The following PARPBP variants were observed in gnomAD, a reference collection of about 807,000 sequenced individuals.
PARPBP encodes PCNA-interacting partner.
PARPBP carries 52 observed loss-of-function variants against 50.0 expected under a neutral mutation model. The observed-to-expected ratio is 1.04, with a 90% CI of 0.83 to 1.31. The LOEUF is 1.31. PARPBP is among the 50% of genes most tolerant of loss of function. The pLI is 0.00. For synonymous variants in PARPBP, 244 were observed against 232.1 expected, an observed-to-expected ratio of 1.05 and a Z score of -0.47; for missense variants, 697 against 672.0, an observed-to-expected ratio of 1.04 and a Z score of -0.41.
chr12:102,186,084 T>G, intron 9 of PARPBP, among the ~76,000 whole-genome samples: 1 of 152,280 alleles, frequency 6.6e-6, no homozygotes, highest in East Asian at 1.9e-4. Flanking sequence ...TTTTTCTAGG[T>G]TTTCCAATTT....
chr12:102,195,546 G>A, intron 10 of PARPBP, 99 bp downstream of exon 10: 1 of 862,612 alleles, frequency 1.2e-6, no homozygotes, highest in Non-Finnish European at 1.8e-6. Context: ...AAAGTACTAT[G>A]AAATGTAAAG....
chr12:102,156,289 C>T (rs1338462972), intron 4 of PARPBP, among the ~76,000 whole-genome samples: 1 of 140,572 alleles, frequency 7.1e-6, no homozygotes, highest in Non-Finnish European at 1.5e-5. Context: ...CGTGTTCATG[C>T]CATTCTCCTT....
At chr12:102,121,563 T>C (rs1300119996) in intron 1 of PARPBP, among the ~76,000 whole-genome samples, 4 of 144,506 alleles carry the variant, frequency 2.8e-5, no homozygotes, top group Non-Finnish European at 4.5e-5. Flanking sequence ...TTTTTTTTTT[T>C]TTTTTTTTAA....
chr12:102,159,708 T>A (rs887961418), intron 4 of PARPBP, among the ~76,000 whole-genome samples: 1 of 152,038 alleles, frequency 6.6e-6, no homozygotes, highest in Non-Finnish European at 1.5e-5. Context: ...AAAAAAAATC[T>A]ACTAAGTATC....
At chr12:102,184,682 A>T (rs553910675) in intron 9 of PARPBP, among the ~76,000 whole-genome samples, 2 of 152,316 alleles carry the variant, frequency 1.3e-5, no homozygotes, top group Non-Finnish European at 2.9e-5. Context: ...TCTACTAATA[A>T]ACGGCAATCA....
intron 2 of PARPBP, among the ~76,000 whole-genome samples, chr12:102,126,650 A>C (rs1882039785): frequency 6.6e-6 from 1 of 152,056 alleles, no homozygotes; most frequent in Admixed American, 6.6e-5. Context: ...AGCTGGGCGT[A>C]GTGGTAGGCG....
intron 2 of PARPBP, among the ~76,000 whole-genome samples, chr12:102,132,718 G>A (rs934568628): frequency 6.6e-6 from 1 of 152,106 alleles, no homozygotes; most frequent in South Asian, 2.1e-4. Context: ...GATAGGAATA[G>A]CATTGAATCT....
intron 2 of PARPBP, among the ~76,000 whole-genome samples, chr12:102,142,975 G>A (rs572703255): frequency 5.9e-5 from 9 of 152,336 alleles, no homozygotes; most frequent in Middle Eastern, 6.8e-3. Context: ...TCCGTTCTCA[G>A]ATCTCAAACT....
chr12:102,161,943 C>G (rs1887648342), intron 4 of PARPBP, among the ~76,000 whole-genome samples: 1 of 152,090 alleles, frequency 6.6e-6, no homozygotes, highest in African/African-American at 2.4e-5. Context: ...AATCTTTAAA[C>G]TTTGTTTTCT....
intron 6 of PARPBP, among the ~76,000 whole-genome samples, chr12:102,171,078 C>T (rs1888668012): frequency 6.6e-6 from 1 of 151,682 alleles, no homozygotes; most frequent in Admixed American, 6.6e-5. Flanking sequence ...GAGGTGTCAT[C>T]TCCTACAGTC....
chr12:102,129,284 GCT>G (rs1439891127), intron 2 of PARPBP, among the ~76,000 whole-genome samples: 2 of 151,842 alleles, frequency 1.3e-5, no homozygotes, highest in African/African-American at 4.8e-5. Flanking sequence ...ACTGCATCCT[GCT>G]CTTTTGCCCA....
chr12:102,195,908 C>T (rs1891267361), intron 10 of PARPBP, 43 bp from the exon 11 acceptor site: 2 of 1,226,982 alleles, frequency 1.6e-6, no homozygotes, highest in Non-Finnish European at 2.3e-6. Flanking sequence ...TATTAATACT[C>T]AATATCATGT....
chr12:102,188,533 CTG>C (rs762006474), intron 9 of PARPBP, among the ~76,000 whole-genome samples: 2 of 152,090 alleles, frequency 1.3e-5, no homozygotes, highest in African/African-American at 2.4e-5. Context: ...CAGTCTTTCA[CTG>C]TGTCTGCCTA....
chr12:102,190,163 G>A (rs889567913), intron 9 of PARPBP, among the ~76,000 whole-genome samples: 5 of 152,062 alleles, frequency 3.3e-5, no homozygotes, highest in African/African-American at 7.2e-5. Context: ...TACAATTATC[G>A]TGTGGTTACC....
At chr12:102,131,552 C>T (rs1188863947) in intron 2 of PARPBP, among the ~76,000 whole-genome samples, 6 of 152,096 alleles carry the variant, frequency 3.9e-5, no homozygotes, top group African/African-American at 1.4e-4. Context: ...AGGTTTATTG[C>T]AGTGCTATTG....
At position 102,155,069 on chromosome 12, in the gene PARPBP, A is replaced by C. The variant is rs184634022; in HGVS notation, c.495+1093A>C. The C allele has an allele frequency of 1.7e-3, 458 of 265,750 alleles. 2 individuals are homozygous for C. Among genetic ancestry groups the C allele is most frequent in the Admixed American group, 3.7e-3 (75 of 20,352 alleles). The allele number at this position is 265,750 out of a possible 1,614,324, so 16.5% of individuals were successfully genotyped here. On this transcript the variant is annotated intron_variant, in intron 4 of 10. Coordinates refer to ENST00000327680, the MANE Select transcript of PARPBP (RefSeq NM_017915.5). ...TCTTTGAATCTACCTATGACCTATA[A>C]GCCCCATTTCAAGGTGTCCCACCTT... is the stretch of plus-strand genomic sequence containing the variant.
At chr12:102,120,352 T>G (rs779913757) in intron 1 of PARPBP, 66 bp downstream of exon 1, 21 of 394,678 alleles carry the variant, frequency 5.3e-5, no homozygotes, top group South Asian at 1.9e-4. Context: ...CTGTGGCTTT[T>G]GAGGGTGTTT....
chr12:102,125,998 C>G (rs567789320), intron 2 of PARPBP, among the ~76,000 whole-genome samples: 1 of 152,144 alleles, frequency 6.6e-6, no homozygotes, highest in Non-Finnish European at 1.5e-5. Flanking sequence ...AAAATCAAAG[C>G]AAAGATTACC....
In PARPBP at chr12:102,197,308, A is replaced by G. The variant is rs749558146; in HGVS notation, c.*1017A>G. 1.4e-4 allele frequency: 116 copies of G among 854,778 alleles called. No individual in the cohort carries two copies. The highest frequency in any genetic ancestry group is 1.9e-4 in the Non-Finnish European group (107 of 564,940). 52.9% of individuals were successfully genotyped at this position (854,778 alleles called of 1,614,324 possible). A position where few individuals can be genotyped will look rare whatever the true frequency, so the allele number is the denominator to read the frequency against. On this transcript the variant is annotated 3_prime_UTR_variant, in exon 11 of 11. Coordinates refer to ENST00000327680, the MANE Select transcript of PARPBP (RefSeq NM_017915.5). ...ACTTTTTAAAAATACCTTAGATGCAAATTTATAGGAGAAAAAACACTTTCA... is the reference window on the plus strand; with the variant it reads ...ACTTTTTAAAAATACCTTAGATGCAGATTTATAGGAGAAAAAACACTTTCA...
Sources: allele counts gnomAD v4.1 joint callset (sites outside exome capture counted in the v4.1 genomes callset), GRCh38; gene constraint gnomAD v4.1.1; transcripts MANE v1.5; gene names NCBI Gene and HGNC (gene_info 2026-07-23, HGNC 2026-07-21).